The following ROBO4 variants were observed in gnomAD, a reference collection of about 807,000 sequenced individuals.
The protein encoded by ROBO4 is roundabout guidance receptor 4, also known as roundabout homolog 4.
A neutral mutation model predicts 103.3 loss-of-function variants in ROBO4; 80 were observed. The ratio of observed to expected loss-of-function variants is 0.77; its 90% confidence interval spans 0.65 to 0.93. The LOEUF (loss-of-function observed/expected upper bound fraction) is 0.93. Ranked by LOEUF, ROBO4 falls within the 40% of genes least tolerant of loss-of-function variation. The probability of loss-of-function intolerance (pLI) is 0.00; values close to 1 mark genes in which losing one functional copy is unlikely to be tolerated. For synonymous variants in ROBO4, 504 were observed against 529.7 expected (o/e 0.95, Z 0.67); for missense variants, 1,333 against 1,305.3 (o/e 1.02, Z -0.33).
intron 12 of ROBO4, among the ~76,000 whole-genome samples, chr11:124,889,022 G>T (rs1946761473): frequency 1.3e-5 from 2 of 152,146 alleles, no homozygotes; most frequent in African/African-American, 2.4e-5. Context: ...AGATCTGGGG[G>T]CCACTACGGG....
In ROBO4 at chr11:124,896,630, C is replaced by T. The variant is rs1565328250; in HGVS notation, c.441G>A (p.Val147=). 6.2e-7 allele frequency: 1 copy of T among 1,614,206 alleles called. No individual in the cohort carries two copies. Among genetic ancestry groups the T allele is most frequent in the Non-Finnish European group, 8.5e-7 (1 of 1,180,028 alleles). The part of the protein sequence containing the change: ...EDFQIQPRDM[V]AVVGEQFTLE... ...GAGTAAACTGCTCACCCACCACAGC[C>T]ACCATGTCCCGAGGCTGGATCTGGA... The change falls in exon 3 of 18, where the codon GTG becomes GTA. Residue 147 remains valine, a synonymous_variant. Transcript: ENST00000306534.
rs143490922 is a variant in ROBO4 at position 124,897,007 on chromosome 11, G to A, written c.325C>T (p.Leu109=). ...AHDGQALSTD[L]GVYTCEASNR... is the part of the protein sequence containing the mutation. ...CTGGCCTCACATGTGTAGACACCCAGGTCTGTGGACAGGGCCTGGCCATCG... is the reference window on the plus strand; with the variant it reads ...CTGGCCTCACATGTGTAGACACCCAAGTCTGTGGACAGGGCCTGGCCATCG... The change falls in exon 2 of 18, where the codon CTG becomes TTG. Residue 109 remains leucine, a synonymous_variant. Coordinates refer to ENST00000306534, the MANE Select transcript of ROBO4 (RefSeq NM_019055.6). 4 of 1,613,996 alleles carry A rather than the reference G, an allele frequency of 2.5e-6. No individual in the cohort carries two copies. Among genetic ancestry groups the A allele is most frequent in the Non-Finnish European group, 3.4e-6 (4 of 1,180,036 alleles).
At position 124,886,672 on chromosome 11, in the gene ROBO4, G is replaced by GGGCCGA; in HGVS notation, c.2580_2585dup (p.Arg861_Pro862dup). 1 of 1,613,258 alleles carries GGGCCGA rather than the reference G, an allele frequency of 6.2e-7. No homozygotes were observed. Among genetic ancestry groups the GGGCCGA allele is most frequent in the Non-Finnish European group, 8.5e-7 (1 of 1,179,274 alleles). ...CCTCGCTGGGGGTGGGGGTGAGGCA[G>GGGCCGA]GGCCGAGGTGGGCACAGCAAGACTC... On this transcript the variant is annotated inframe_insertion, in exon 16 of 18. Coordinates refer to ENST00000306534, the MANE Select transcript of ROBO4 (RefSeq NM_019055.6).
Position 124,887,499 on chromosome 11 carries a change from C to T in ROBO4, c.2057G>A (p.Gly686Glu). The T allele has an allele frequency of 6.2e-7, 1 of 1,613,626 alleles. No homozygotes were observed. The highest frequency in any genetic ancestry group is 8.5e-7 in the Non-Finnish European group (1 of 1,179,940). The change falls in exon 14 of 18, where the codon GGA becomes GAA. Residue 686 changes from glycine to glutamate, a missense_variant and splice_region_variant. Coordinates refer to ENST00000306534, the MANE Select transcript of ROBO4 (RefSeq NM_019055.6). ...GGCAACCAGAGCTTGGGGCACAGCT[C>T]CTGGGGAAGAGAAGCCTGGGTGTGA... is the stretch of plus-strand genomic sequence containing the variant. ...RGSKNLSQSP[G>E]AVPQALVAWR...
rs560306860 is a variant in ROBO4, at chr11:124,887,648, C to T, written c.2056+85G>A. 40 of 1,535,856 alleles carry T rather than the reference C, an allele frequency of 2.6e-5. No individual in the cohort carries two copies. The East Asian group carries it at 3.9e-4, about 15-fold the overall frequency. ...CTCCTCAGGGAAAGGAGGATGAGCC[C>T]GTGGGAGGGCCCTGGGCTGGTAAGC... On this transcript the variant is annotated intron_variant, in intron 13 of 17. Transcript: ENST00000306534.
At chr11:124,890,003 A>G (rs1037214468) in intron 12 of ROBO4, among the ~76,000 whole-genome samples, 2 of 152,240 alleles carry the variant, frequency 1.3e-5, no homozygotes, top group Admixed American at 1.3e-4. Context: ...GCCTCATCTC[A>G]GAATTGGAAC....
chr11:124,892,069 G>A (rs930376586), intron 10 of ROBO4: 2 of 660,250 alleles, frequency 3.0e-6, no homozygotes, highest in Non-Finnish European at 5.6e-6. Flanking sequence ...TGTATGCTGA[G>A]GTAAAAAGAA....
At chr11:124,896,832 A>C (rs1220507745) in intron 2 of ROBO4, 100 bp downstream of exon 2, 7 of 1,529,432 alleles carry the variant, frequency 4.6e-6, no homozygotes. Flanking sequence ...GCCTCTGCTC[A>C]CAGGTATCCC....
In ROBO4 at chr11:124,891,757, G is replaced by T; in HGVS notation, c.1593C>A (p.Ser531=). The T allele has an allele frequency of 6.2e-7, 1 of 1,614,178 alleles. No homozygotes were observed. Among genetic ancestry groups the T allele is most frequent in the African/African-American group, 1.3e-5 (1 of 75,032 alleles). Residue 531 remains serine, a synonymous_variant, in exon 11 of 18, where the codon TCC becomes TCA. Coordinates refer to ENST00000306534, the MANE Select transcript of ROBO4 (RefSeq NM_019055.6). ...TGCTCAGGTCCCGAGAGCCAGAGGTGGAACGCCAAGTGTCTGCCAACCACT... is the reference window on the plus strand; with the variant it reads ...TGCTCAGGTCCCGAGAGCCAGAGGTTGAACGCCAAGTGTCTGCCAACCACT... ...DSQWLADTWR[S]TSGSRDLSSS...
At chr11:124,889,807 A>G (rs988687577) in intron 12 of ROBO4, among the ~76,000 whole-genome samples, 36 of 152,180 alleles carry the variant, frequency 2.4e-4, no homozygotes, top group African/African-American at 8.7e-4. Flanking sequence ...AATCAACTCC[A>G]TGGGTCTGGA....
Position 124,897,150 on chromosome 11 carries a change from G to C in ROBO4, c.182C>G (p.Pro61Arg). ...CCCATTCAGCAACCAGCGGATGGTG[G>C]GAGGTGGCTGGCCTGAGGCTTGGCA... is the stretch of plus-strand genomic sequence containing the variant. ...MSCQASGQPP[P>R]TIRWLLNGQP... The change falls in exon 2 of 18, where the codon CCC becomes CGC. Residue 61 changes from proline to arginine, a missense_variant. Pro to Arg is a moderately radical substitution (Grantham distance 103, BLOSUM62 -2). Coordinates refer to ENST00000306534, the MANE Select transcript of ROBO4 (RefSeq NM_019055.6). 1 of 1,560,834 alleles carries C rather than the reference G, an allele frequency of 6.4e-7. No individual in the cohort carries two copies. Among genetic ancestry groups the C allele is most frequent in the South Asian group, 1.2e-5 (1 of 81,044 alleles).
intron 2 of ROBO4, 29 bp downstream of exon 2, chr11:124,896,903 C>A: frequency 6.3e-7 from 1 of 1,599,470 alleles, no homozygotes; most frequent in South Asian, 1.1e-5. Flanking sequence ...AGGTTTGCCC[C>A]ACCCTGAAGC....
chr11:124,893,699 G>C lies in ROBO4; in HGVS notation c.1536C>G (p.Ile512Met), dbSNP rs764290380. Residue 512 changes from isoleucine to methionine, a missense_variant, in exon 10 of 18, where the codon ATC (isoleucine) becomes ATG (methionine). By Grantham distance (10) the Ile-to-Met change is conservative. Coordinates refer to ENST00000306534, the MANE Select transcript of ROBO4 (RefSeq NM_019055.6). The part of the protein sequence containing the change: ...GLYRYTSEDA[I>M]LKHRMDHSDS... ...CTTTCACCTCTCACCTGTGTTTTAG[G>C]ATGGCATCCTCACTGGTATATCTGT... 6.2e-7 allele frequency: 1 copy of C among 1,613,956 alleles called. No individual in the cohort carries two copies. The highest frequency in any genetic ancestry group is 2.2e-5 in the East Asian group (1 of 44,862).
chr11:124,895,242 T>C, intron 6 of ROBO4, 49 bp from the exon 7 acceptor site: 1 of 1,445,370 alleles, frequency 6.9e-7, no homozygotes, highest in South Asian at 1.2e-5. Flanking sequence ...GAGAGGACTC[T>C]AGGGAAAGGA....
At chr11:124,885,333 A>C in intron 16 of ROBO4, 86 bp from the exon 17 acceptor site, 12 of 1,134,624 alleles carry the variant, frequency 1.1e-5, no homozygotes, top group Non-Finnish European at 1.4e-5. Flanking sequence ...GGACCAGCTC[A>C]GGGCATGTAC....
At position 124,892,104 on chromosome 11, in the gene ROBO4, C is replaced by G. The variant is rs1181041104; in HGVS notation, c.1548-302G>C. 1.2e-5 allele frequency: 7 copies of G among 590,488 alleles called. No individual in the cohort carries two copies. The East Asian group carries it at 2.6e-4, about 22-fold the overall frequency. The allele number at this position is 590,488 out of a possible 1,614,324, so 36.6% of individuals were successfully genotyped here. On this transcript the variant is annotated intron_variant, in intron 10 of 17. Transcript: ENST00000306534. ...AGACCTGAAGACAAATCTGGTTTGA[C>G]AATCTCTATCTGTCACAGCTTAGCT...
Position 124,894,063 on chromosome 11 carries a change from C to T in ROBO4, c.1319-18G>A. The T allele has an allele frequency of 6.5e-7, 1 of 1,540,540 alleles. No individual in the cohort carries two copies. The highest frequency in any genetic ancestry group is 1.9e-5 in the Admixed American group (1 of 51,942). The stretch of plus-strand genomic sequence containing the variant: ...GGCCTGCTCTGTATGGGATGCAGAG[C>T]TCAGAGGGAGAGGGAGTCGAGGCAT... On this transcript the variant is annotated intron_variant, in intron 8 of 17. Transcript: ENST00000306534.
chr11:124,891,190 T>G, intron 12 of ROBO4, 109 bp downstream of exon 12: 5 of 1,263,850 alleles, frequency 4.0e-6, no homozygotes, highest in Non-Finnish European at 1.1e-6. Flanking sequence ...GGAAGGAGGG[T>G]GTGGAGGTTG....
intron 10 of ROBO4, chr11:124,892,338 G>C (rs981298740): frequency 3.2e-6 from 1 of 312,052 alleles, no homozygotes; most frequent in East Asian, 8.1e-5. Context: ...TCAAGAACAG[G>C]GATCTGAGCA....
Sources: allele counts gnomAD v4.1 joint callset (sites outside exome capture counted in the v4.1 genomes callset), GRCh38; gene constraint gnomAD v4.1.1; transcripts MANE v1.5; gene names NCBI Gene and HGNC (gene_info 2026-07-23, HGNC 2026-07-21).